The following KCNN2 variants were observed in gnomAD, a reference collection of about 807,000 sequenced individuals.
KCNN2 encodes the protein small conductance calcium-activated potassium channel protein 2.
A neutral mutation model predicts 55.5 loss-of-function variants in KCNN2; 24 were observed. The observed-to-expected ratio is 0.43, with a 90% confidence interval of 0.31 to 0.61. The LOEUF (loss-of-function observed/expected upper bound fraction) is 0.61. KCNN2 is among the 20% of genes least tolerant of loss of function. KCNN2 has a pLI of 0.08. For synonymous variants in KCNN2, 431 were observed against 336.1 expected (o/e 1.28, Z -3.09); for missense variants, 754 against 853.6 (o/e 0.88, Z 1.45).
At chr5:114,479,388 A>G (rs550482040) in intron 5 of KCNN2, among the ~76,000 whole-genome samples, 53 of 152,328 alleles carry the variant, frequency 3.5e-4, no homozygotes, top group Admixed American at 1.5e-3. Flanking sequence ...TGCACCCAAT[A>G]CAGGAACACC....
intron 3 of KCNN2, among the ~76,000 whole-genome samples, chr5:114,441,648 A>AT (rs933231462): frequency 1.3e-5 from 2 of 151,468 alleles, no homozygotes; most frequent in South Asian, 2.1e-4. Flanking sequence ...TAAATGTATA[A>AT]TTTTTTTTTC....
chr5:114,064,506 T>A (rs1052130672), intron 1 of KCNN2, among the ~76,000 whole-genome samples: 1 of 152,182 alleles, frequency 6.6e-6, no homozygotes, highest in African/African-American at 2.4e-5. Context: ...AGACATCAGA[T>A]GTGTGAGGGA....
chr5:114,227,534 G>A (rs1754261227), intron 2 of KCNN2, among the ~76,000 whole-genome samples: 1 of 152,098 alleles, frequency 6.6e-6, no homozygotes, highest in South Asian at 2.1e-4. Flanking sequence ...TAAATTCCTT[G>A]AAGACAGAGC....
intron 5 of KCNN2, among the ~76,000 whole-genome samples, chr5:114,476,621 A>C (rs1474000726): frequency 6.6e-6 from 1 of 151,958 alleles, no homozygotes; most frequent in Admixed American, 6.6e-5. Context: ...GGGTTTCTCC[A>C]TGTTGGTCAG....
upstream of KCNN2, among the ~76,000 whole-genome samples, chr5:114,358,888 TAA>T (rs1305800757): frequency 2.0e-5 from 3 of 152,230 alleles, no homozygotes; most frequent in South Asian, 6.2e-4. Flanking sequence ...TTGACTTTAT[TAA>T]AAGAGGAATG....
chr5:114,196,724 C>T (rs1327119102), intron 1 of KCNN2, among the ~76,000 whole-genome samples: 2 of 151,910 alleles, frequency 1.3e-5, no homozygotes, highest in African/African-American at 2.4e-5. Context: ...CTTACATCTA[C>T]TTTGTTTTTT....
At chr5:114,475,559 A>G (rs1422867492) in intron 5 of KCNN2, among the ~76,000 whole-genome samples, 2 of 152,200 alleles carry the variant, frequency 1.3e-5, no homozygotes, top group African/African-American at 4.8e-5. Flanking sequence ...ACTGTATACT[A>G]AATATGGTTG....
chr5:114,160,763 C>T (rs200419372), intron 1 of KCNN2, among the ~76,000 whole-genome samples: 1 of 152,186 alleles, frequency 6.6e-6, no homozygotes, highest in East Asian at 1.9e-4. Context: ...ATGTAATGGC[C>T]TTCTTTGTCT....
chr5:114,336,233 C>A (rs1321173641), intron 2 of KCNN2, among the ~76,000 whole-genome samples: 1 of 152,174 alleles, frequency 6.6e-6, no homozygotes, highest in African/African-American at 2.4e-5. Context: ...ATGTTGGGAT[C>A]TGATAGAGTA....
intron 1 of KCNN2, among the ~76,000 whole-genome samples, chr5:114,195,997 T>G (rs989225871): frequency 1.3e-5 from 2 of 152,042 alleles, no homozygotes; most frequent in Non-Finnish European, 2.9e-5. Flanking sequence ...CTTAATTTAA[T>G]TTTTCTGCAT....
In KCNN2 at chr5:114,383,940, T is replaced by C. The variant is rs569672260; in HGVS notation, c.1218+19939T>C. ...GTATCACAGTAACTAATGTGTATCA[T>C]GTGCCTACTGAGAACAAGCACTATG... On this transcript the variant is annotated intron_variant, in intron 2 of 7. Coordinates refer to ENST00000673685, the MANE Select transcript of KCNN2 (RefSeq NM_021614.4). 3.3e-5 allele frequency among the ~76,000 whole-genome samples: 5 copies of C among 152,366 alleles called. 1 individual carries two copies. The South Asian group carries it at 1.0e-3, about 32-fold the overall frequency.
chr5:114,323,565 G>T (rs1427425268), intron 2 of KCNN2, among the ~76,000 whole-genome samples: 2 of 150,166 alleles, frequency 1.3e-5, no homozygotes, highest in African/African-American at 4.9e-5. Flanking sequence ...GTAAGATATG[G>T]TATGATTTGT....
intron 3 of KCNN2, among the ~76,000 whole-genome samples, chr5:114,424,225 A>C (rs1759551900): frequency 6.6e-6 from 1 of 152,188 alleles, no homozygotes; most frequent in South Asian, 2.1e-4. Context: ...AACACTTATA[A>C]CATTTTAATT....
chr5:114,169,519 T>C (rs1459389664), intron 1 of KCNN2, among the ~76,000 whole-genome samples: 1 of 152,090 alleles, frequency 6.6e-6, no homozygotes, highest in Non-Finnish European at 1.5e-5. Flanking sequence ...ATAGACATAT[T>C]CTGGGGATTA....
At chr5:114,306,908 T>G (rs1255821255) in intron 2 of KCNN2, among the ~76,000 whole-genome samples, 3 of 152,014 alleles carry the variant, frequency 2.0e-5, no homozygotes, top group Non-Finnish European at 4.4e-5. Flanking sequence ...GTTGCCATGT[T>G]AGCCAGGCTG....
intron 5 of KCNN2, among the ~76,000 whole-genome samples, chr5:114,478,285 C>T (rs1762061120): frequency 6.6e-6 from 1 of 151,914 alleles, no homozygotes; most frequent in African/African-American, 2.4e-5. Flanking sequence ...TCCAAAATAG[C>T]CTTTTAAACT....
intron 4 of KCNN2, among the ~76,000 whole-genome samples, chr5:114,467,383 A>ATGTT (rs1761501451): frequency 1.3e-5 from 2 of 152,206 alleles, no homozygotes; most frequent in South Asian, 4.1e-4. Context: ...TTAGTGTTGA[A>ATGTT]TGTTTGAGAA....
intron 2 of KCNN2, among the ~76,000 whole-genome samples, chr5:114,307,403 G>A (rs1229321367): frequency 6.6e-6 from 1 of 152,134 alleles, no homozygotes; most frequent in East Asian, 1.9e-4. Context: ...TAGGTCCTGT[G>A]GGTCTGATTG....
chr5:114,056,552 C>T, intron 1 of KCNN2: 1 of 396,860 alleles, frequency 2.5e-6, no homozygotes. Context: ...TTAATGGGGA[C>T]CAGCCTCCCC....
Sources: allele counts gnomAD v4.1 joint callset (sites outside exome capture counted in the v4.1 genomes callset), GRCh38; gene constraint gnomAD v4.1.1; transcripts MANE v1.5; gene names NCBI Gene and HGNC (gene_info 2026-07-23, HGNC 2026-07-21).